HERC4: variants seen among roughly 807,000 people sequenced by gnomAD.
HERC4 encodes probable E3 ubiquitin-protein ligase HERC4.
In HERC4, 28 loss-of-function variants were observed where a neutral mutation model predicts 124.3. That is an observed-to-expected ratio of 0.23 (90% CI 0.17 to 0.31). The LOEUF (loss-of-function observed/expected upper bound fraction) is 0.31. HERC4 is among the 10% of genes least tolerant of loss of function. The pLI, the probability that HERC4 is intolerant of heterozygous loss-of-function variation, is 1.00. For missense variants in HERC4, 713 were observed against 1,229.3 expected (o/e 0.58, Z 6.28); for synonymous variants, 407 against 421.5 (o/e 0.97, Z 0.42).
At position 68,039,279 on chromosome 10, in the gene HERC4, G is replaced by A. The variant is rs909954582; in HGVS notation, c.387-1110C>T. The A allele has an allele frequency of 1.2e-4, 138 of 1,123,406 alleles. 1 individual carries two copies. Among genetic ancestry groups the A allele is most frequent in the East Asian group, 8.1e-5 (3 of 37,138 alleles). 69.6% of individuals were successfully genotyped at this position (1,123,406 alleles called of 1,614,324 possible). ...TGCAGTGAGCCAAGATCACACCATC[G>A]CACTCCAGAATGGGCGATAGAGTAA... On this transcript the variant is annotated intron_variant, in intron 4 of 24. Coordinates refer to ENST00000373700, the MANE Select transcript of HERC4 (RefSeq NM_015601.4).
At chr10:67,984,261 C>A (rs1341534013) in intron 15 of HERC4, among the ~76,000 whole-genome samples, 1 of 148,040 alleles carries the variant, frequency 6.8e-6, no homozygotes, top group Non-Finnish European at 1.5e-5. Context: ...AAGATCACGC[C>A]ACTGTACTCC....
chr10:67,981,733 G>A (rs672383), intron 15 of HERC4, among the ~76,000 whole-genome samples: 71,310 of 152,084 alleles, frequency 0.47, 20,749 homozygotes, highest in Non-Finnish European at 0.66. Flanking sequence ...CAAGGCGGGT[G>A]GATTACTTGA....
intron 9 of HERC4, among the ~76,000 whole-genome samples, chr10:68,010,030 T>C (rs2037845620): frequency 2.0e-5 from 3 of 152,124 alleles, no homozygotes; most frequent in African/African-American, 7.2e-5. Context: ...ATCACCGAAC[T>C]TCACCTTCCC....
chr10:68,040,189 T>C (rs1159979775), intron 4 of HERC4: 4 of 982,110 alleles, frequency 4.1e-6, no homozygotes, highest in African/African-American at 1.7e-5. Context: ...TGCATAGCAA[T>C]TTATACTCAG....
intron 3 of HERC4, among the ~76,000 whole-genome samples, chr10:68,054,809 A>G (rs546499625): frequency 2.6e-5 from 4 of 152,288 alleles, no homozygotes; most frequent in South Asian, 2.1e-4. Flanking sequence ...ACCAAAGGCT[A>G]CTTCACTCAA....
intron 15 of HERC4, among the ~76,000 whole-genome samples, chr10:67,983,029 G>A (rs1356280094): frequency 1.3e-5 from 2 of 149,930 alleles, no homozygotes. Context: ...TTGGGAGGCT[G>A]AGGCAGGAGA....
chr10:68,010,971 A>G (rs958302420), intron 9 of HERC4: 3 of 888,388 alleles, frequency 3.4e-6, no homozygotes, highest in Non-Finnish European at 5.3e-6. Context: ...CACCATATCT[A>G]TAGTTAAGTT....
At chr10:68,066,697 C>A (rs2133828951) in intron 3 of HERC4, among the ~76,000 whole-genome samples, 1 of 152,236 alleles carries the variant, frequency 6.6e-6, no homozygotes, top group South Asian at 2.1e-4. Context: ...TTACTATGGA[C>A]CTTGGCTTGT....
intron 8 of HERC4, among the ~76,000 whole-genome samples, chr10:68,015,935 T>G (rs903542145): frequency 2.0e-5 from 3 of 152,124 alleles, no homozygotes; most frequent in African/African-American, 7.2e-5. Context: ...AAACCCTGTC[T>G]CTATTAAAAA....
chr10:68,024,193 CAAGT>C (rs1329882117), intron 8 of HERC4, among the ~76,000 whole-genome samples: 1 of 152,034 alleles, frequency 6.6e-6, no homozygotes, highest in Admixed American at 6.6e-5. Context: ...AAAAGGTACT[CAAGT>C]AAGTCATGGA....
chr10:67,982,593 C>T (rs1480476207), intron 15 of HERC4, among the ~76,000 whole-genome samples: 1 of 152,118 alleles, frequency 6.6e-6, no homozygotes, highest in Non-Finnish European at 1.5e-5. Context: ...CCCACAAGCA[C>T]ATGCAACCAA....
intron 9 of HERC4, among the ~76,000 whole-genome samples, chr10:68,001,202 C>G (rs1282630722): frequency 6.6e-6 from 1 of 151,816 alleles, no homozygotes; most frequent in African/African-American, 2.4e-5. Context: ...GAGACCCCGT[C>G]TCTACAAAAA....
intron 3 of HERC4, chr10:68,067,088 C>T (rs147705939): frequency 7.2e-5 from 11 of 152,716 alleles, no homozygotes; most frequent in Non-Finnish European, 1.5e-4. Flanking sequence ...TACTTACCAA[C>T]GTGTGCTGCC....
At chr10:68,060,852 A>T (rs1225528702) in intron 3 of HERC4, among the ~76,000 whole-genome samples, 1 of 152,124 alleles carries the variant, frequency 6.6e-6, no homozygotes, top group East Asian at 1.9e-4. Context: ...ATGCTGATTG[A>T]TCAACTGTAC....
At chr10:67,935,680 C>T (rs960833313) in intron 22 of HERC4, among the ~76,000 whole-genome samples, 1 of 152,150 alleles carries the variant, frequency 6.6e-6, no homozygotes, top group African/African-American at 2.4e-5. Context: ...TTGCCAGATT[C>T]CTGGTGTGCT....
chr10:67,995,780 TTCTTG>T (rs1228554894), intron 9 of HERC4, among the ~76,000 whole-genome samples: 12 of 152,234 alleles, frequency 7.9e-5, no homozygotes, highest in African/African-American at 2.4e-4. Flanking sequence ...AACTCATATC[TTCTTG>T]TCTTAAGAAG....
intron 19 of HERC4, among the ~76,000 whole-genome samples, chr10:67,942,372 T>C (rs1475899811): frequency 2.0e-5 from 3 of 152,224 alleles, no homozygotes; most frequent in Non-Finnish European, 1.5e-5. Context: ...AAAAATAAGA[T>C]GGACATCTTT....
rs963735243 is a variant in HERC4 at position 68,038,261 on chromosome 10, T to C, written c.387-92A>G. ...TATGTTATTTATTGATGGCCTACTATATGCACATAGGTCATATTATTTTTT... is the reference window on the plus strand; with the variant it reads ...TATGTTATTTATTGATGGCCTACTACATGCACATAGGTCATATTATTTTTT... On this transcript the variant is annotated intron_variant, in intron 4 of 24. Coordinates refer to ENST00000373700, the MANE Select transcript of HERC4 (RefSeq NM_015601.4). 2.1e-5 allele frequency: 12 copies of C among 569,320 alleles called. No homozygotes were observed. The Admixed American group carries it at 3.4e-4, about 16-fold the overall frequency. 35.3% of individuals were successfully genotyped at this position (569,320 alleles called of 1,614,324 possible). A position where few individuals can be genotyped will look rare whatever the true frequency, so the allele number is the denominator to read the frequency against.
intron 5 of HERC4, among the ~76,000 whole-genome samples, chr10:68,037,091 C>CTTTTTTTTT (rs35105661): frequency 1.9e-5 from 2 of 106,928 alleles, no homozygotes; most frequent in South Asian, 3.2e-4. Flanking sequence ...CCTATTTCTT[C>CTTTTTTTTT]TTTTTTTTTT....
Sources: gnomAD v4.1 joint callset for allele counts (sites outside exome capture counted in the v4.1 genomes callset) on GRCh38, gnomAD v4.1.1 for gene constraint, MANE v1.5 for transcripts, NCBI Gene and HGNC (gene_info 2026-07-23, HGNC 2026-07-21) for gene names.